Variants in P2RY8 observed in about 807,000 individuals in gnomAD.
P2RY8 encodes the protein P2Y receptor family member 8.
A neutral mutation model predicts 10.0 loss-of-function variants in P2RY8; 6 were observed. The observed-to-expected ratio is 0.60, with a 90% CI of 0.33 to 1.19. The LOEUF (loss-of-function observed/expected upper bound fraction) is 1.19, where lower values mean the gene tolerates loss of function less well. Among genes scored for constraint, P2RY8 ranks in the 50% most tolerant of loss-of-function variants. The pLI is 0.04. For synonymous variants in P2RY8, 276 were observed against 252.5 expected, an observed-to-expected ratio of 1.09 and a Z score of -0.88; for missense variants, 456 against 542.0, an observed-to-expected ratio of 0.84 and a Z score of 1.58.
intron 1 of P2RY8, among the ~76,000 whole-genome samples, chrX:1,524,802 C>A (rs2092427524): frequency 1.1e-5 from 1 of 93,088 alleles, no homozygotes; most frequent in African/African-American, 3.6e-5. Flanking sequence ...TTCATCCATC[C>A]ACTCATCCAT....
chrX:1,465,746 G>C lies in P2RY8; in HGVS notation c.813C>G (p.Tyr271Ter). The change falls in exon 2 of 2, where the codon TAC (tyrosine) becomes TAG (stop). Residue 271 changes from tyrosine (Y) to a stop codon, truncating the protein, a stop_gained. Transcript: ENST00000381297. LOFTEE classifies it high-confidence loss of function. ...ACAGCGTGAGCTTGTACACGTGGTA[G>C]TAGCTCTTGCCGTAGAACAGGCGGC... ...IVSRLFYGKS[Y>*]YHVYKLTLCL... 6.2e-7 allele frequency: 1 copy of C among 1,613,702 alleles called. No individual in the cohort carries two copies. Among genetic ancestry groups the C allele is most frequent in the Non-Finnish European group, 8.5e-7 (1 of 1,179,844 alleles).
intron 1 of P2RY8, among the ~76,000 whole-genome samples, chrX:1,528,269 C>A (rs1239014883): frequency 2.6e-5 from 4 of 152,200 alleles, no homozygotes; most frequent in Non-Finnish European, 1.5e-5. Flanking sequence ...TCATCTATTG[C>A]ATCTCACAGA....
chrX:1,504,270 G>C (rs78026250), intron 1 of P2RY8, among the ~76,000 whole-genome samples: 3 of 151,262 alleles, frequency 2.0e-5, no homozygotes, highest in East Asian at 1.9e-4. Flanking sequence ...GAGCCGAGAT[G>C]GCGCCACTGC....
intron 1 of P2RY8, among the ~76,000 whole-genome samples, chrX:1,511,905 C>T (rs2092299811): frequency 6.6e-6 from 1 of 152,180 alleles, no homozygotes; most frequent in Non-Finnish European, 1.5e-5. Flanking sequence ...CACTCGCTGA[C>T]AACACCCACA....
intron 1 of P2RY8, among the ~76,000 whole-genome samples, chrX:1,489,504 C>T (rs2092021253): frequency 1.3e-5 from 2 of 151,932 alleles, no homozygotes. Context: ...CCTAAGGATT[C>T]CTCACAAATG....
intron 1 of P2RY8, among the ~76,000 whole-genome samples, chrX:1,532,191 C>A (rs2092479875): frequency 6.6e-6 from 1 of 151,896 alleles, no homozygotes; most frequent in African/African-American, 2.4e-5. Flanking sequence ...GTGGAACCAA[C>A]CCAAATGCCC....
At chrX:1,483,770 A>T (rs1223409313) in intron 1 of P2RY8, among the ~76,000 whole-genome samples, 1 of 151,892 alleles carries the variant, frequency 6.6e-6, no homozygotes, top group Non-Finnish European at 1.5e-5. Flanking sequence ...GCTCCCCAAA[A>T]CCCAAAGTTG....
chrX:1,536,720 C>T (rs1340599100), intron 1 of P2RY8, among the ~76,000 whole-genome samples: 1 of 152,156 alleles, frequency 6.6e-6, no homozygotes, highest in East Asian at 1.9e-4. Flanking sequence ...GAGCATTTCT[C>T]CCCTAAGTGA....
At chrX:1,487,138 G>A (rs1204169000) in intron 1 of P2RY8, among the ~76,000 whole-genome samples, 4 of 152,182 alleles carry the variant, frequency 2.6e-5, no homozygotes, top group Non-Finnish European at 1.5e-5. Flanking sequence ...GGGAAGCAGT[G>A]GCCACCACTG....
chrX:1,485,214 G>A (rs373120632), intron 1 of P2RY8, among the ~76,000 whole-genome samples: 5 of 151,826 alleles, frequency 3.3e-5, no homozygotes, highest in East Asian at 1.9e-4. Context: ...GGCGGCTCAC[G>A]GCAACCTTCA....
chrX:1,500,733 G>C (rs1369881289), intron 1 of P2RY8, among the ~76,000 whole-genome samples: 9 of 152,010 alleles, frequency 5.9e-5, no homozygotes, highest in African/African-American at 1.2e-4. Flanking sequence ...CAGGCGAGAG[G>C]CCCTGCGCCC....
At position 1,537,004 on chromosome X, in the gene P2RY8, G is replaced by C. The variant is rs760732575; in HGVS notation, c.-108C>G. On this transcript the variant is annotated 5_prime_UTR_variant, in exon 1 of 2. Transcript: ENST00000381297. ...GGATGCAACGCTTAAGTCGACGGCC[G>C]TGCCTCAGAGCCCGGGACTCGGGGG... is the stretch of plus-strand genomic sequence containing the variant. 13 of 232,088 alleles carry C rather than the reference G, an allele frequency of 5.6e-5. No individual in the cohort carries two copies. The South Asian group carries it at 2.0e-3, about 36-fold the overall frequency. 14.4% of individuals were successfully genotyped at this position (232,088 alleles called of 1,614,324 possible). A position where few individuals can be genotyped will look rare whatever the true frequency, so the allele number is the denominator to read the frequency against.
intron 1 of P2RY8, among the ~76,000 whole-genome samples, chrX:1,474,162 G>C (rs1461886504): frequency 1.3e-5 from 2 of 148,980 alleles, no homozygotes; most frequent in Non-Finnish European, 3.0e-5. Context: ...AGATGGATGG[G>C]TGGGTGTATG....
intron 1 of P2RY8, among the ~76,000 whole-genome samples, chrX:1,516,294 AC>A (rs202046130): frequency 2.6e-4 from 27 of 102,782 alleles, no homozygotes; most frequent in African/African-American, 1.7e-4. Context: ...TCCCTTCTTC[AC>A]CCCTCTCCCA....
In P2RY8 at chrX:1,524,401, C is replaced by CCATGCATG. The variant is rs1336653222; in HGVS notation, c.-25+12512_-25+12519dup. 5.1e-4 allele frequency among the ~76,000 whole-genome samples: 19 copies of CCATGCATG among 37,238 alleles called. No homozygotes were observed. The East Asian group carries it at 7.5e-3, about 15-fold the overall frequency. 24.4% of individuals were successfully genotyped at this position (37,238 alleles called of 152,430 possible). A position where few individuals can be genotyped will look rare whatever the true frequency, so the allele number is the denominator to read the frequency against. On this transcript the variant is annotated intron_variant, in intron 1 of 1. Transcript: ENST00000381297. ...TCCATCCATCCATCCATCCCTCCAT[C>CCATGCATG]CATGCATGCATCCATCCATCCATCC...
intron 1 of P2RY8, among the ~76,000 whole-genome samples, chrX:1,470,011 G>T (rs1281607761): frequency 2.0e-4 from 30 of 152,092 alleles, no homozygotes; most frequent in Non-Finnish European, 3.7e-4. Context: ...TATATTCACA[G>T]ATGTGCAAAC....
Position 1,469,306 on chromosome X carries a change from T to G in P2RY8, c.-24-2724A>C, listed in dbSNP as rs779888298. Among the ~76,000 whole-genome samples the G allele has an allele frequency of 6.3e-4, 95 of 150,506 alleles. 1 individual carries two copies. The highest frequency in any genetic ancestry group is 1.8e-3 in the African/African-American group (72 of 40,944). ...AGCCTCCTGAGTAGCTGGGATTACA[T>G]GCATGCACCACCACGCCTGGCTGAT... On this transcript the variant is annotated intron_variant, in intron 1 of 1. Transcript: ENST00000381297.
chrX:1,503,714 G>C (rs1391093366), intron 1 of P2RY8, among the ~76,000 whole-genome samples: 20 of 151,542 alleles, frequency 1.3e-4, no homozygotes, highest in Non-Finnish European at 2.7e-4. Context: ...GGCCAATGTG[G>C]CAAAACCCCG....
chrX:1,508,191 G>C (rs1465581280), intron 1 of P2RY8, among the ~76,000 whole-genome samples: 1 of 152,182 alleles, frequency 6.6e-6, no homozygotes, highest in Admixed American at 6.5e-5. Context: ...AAAGCCCCAG[G>C]GGCTGGCAGA....
Sources: gnomAD v4.1 joint callset for allele counts (sites outside exome capture counted in the v4.1 genomes callset) on GRCh38, gnomAD v4.1.1 for gene constraint, MANE v1.5 for transcripts, NCBI Gene and HGNC (gene_info 2026-07-23, HGNC 2026-07-21) for gene names.